DNER: variants seen among roughly 807,000 people sequenced by gnomAD.
DNER encodes the protein delta/notch like EGF repeat containing.
Under a neutral mutation model 78.2 loss-of-function variants are expected in DNER, and 33 were observed. That is an observed-to-expected ratio of 0.42 (90% CI 0.32 to 0.56). DNER has a LOEUF of 0.56. Ranked by LOEUF, DNER falls within the 20% of genes least tolerant of loss-of-function variation. The pLI is 0.11. For synonymous variants in DNER, 417 were observed against 384.8 expected, an observed-to-expected ratio of 1.08 and a Z score of -0.98; for missense variants, 918 against 975.3, an observed-to-expected ratio of 0.94 and a Z score of 0.78.
At chr2:229,635,694 T>C (rs1698519251) in intron 1 of DNER, among the ~76,000 whole-genome samples, 1 of 152,210 alleles carries the variant, frequency 6.6e-6, no homozygotes, top group African/African-American at 2.4e-5. Context: ...ATCATTTTAC[T>C]TCCTATTCAC....
In DNER at chr2:229,584,823, A is replaced by G. The variant is rs1040898374; in HGVS notation, c.847+1035T>C. Reference sequence around the variant, plus strand: ...ATGGCACATGCCTGTAGTCCCAGCTACTTGGGAGGCTGAGGCAGGGGAATT... The same window carrying G: ...ATGGCACATGCCTGTAGTCCCAGCTGCTTGGGAGGCTGAGGCAGGGGAATT... On this transcript the variant is annotated intron_variant, in intron 4 of 12. Transcript: ENST00000341772. Among the ~76,000 whole-genome samples the G allele has an allele frequency of 4.6e-5, 7 of 151,266 alleles. No individual in the cohort carries two copies. The South Asian group carries it at 8.4e-4, about 18-fold the overall frequency.
At chr2:229,413,321 CTTTTT>C (rs398061160) in intron 9 of DNER, among the ~76,000 whole-genome samples, 4 of 67,772 alleles carry the variant, frequency 5.9e-5, no homozygotes, top group Non-Finnish European at 1.1e-4. Context: ...TTTTCTTCTT[CTTTTT>C]TTTTTTTTTT....
intron 1 of DNER, among the ~76,000 whole-genome samples, chr2:229,628,073 C>T (rs1027148032): frequency 1.3e-5 from 2 of 152,160 alleles, no homozygotes; most frequent in Non-Finnish European, 2.9e-5. Context: ...GGAAGGCCCT[C>T]GCCTGGTCCA....
intron 6 of DNER, among the ~76,000 whole-genome samples, chr2:229,479,867 T>C (rs1695119144): frequency 6.6e-6 from 1 of 152,186 alleles, no homozygotes; most frequent in Non-Finnish European, 1.5e-5. Context: ...TAGAAAAGTA[T>C]AGTACATTTA....
intron 1 of DNER, among the ~76,000 whole-genome samples, chr2:229,632,587 C>T (rs959465100): frequency 6.6e-6 from 1 of 152,112 alleles, no homozygotes; most frequent in Admixed American, 6.5e-5. Flanking sequence ...GCTGGAGCAA[C>T]TCACCAAATA....
intron 1 of DNER, chr2:229,606,211 G>A (rs1209761777): frequency 2.0e-5 from 3 of 152,100 alleles, no homozygotes; most frequent in African/African-American, 7.2e-5. Context: ...TACAGTTCTG[G>A]GAATTGGGGT....
In DNER at chr2:229,591,615, G is replaced by T; in HGVS notation, c.550C>A (p.Gln184Lys). The change falls in exon 2 of 13, where the codon CAG (glutamine) becomes AAG (lysine). Residue 184 changes from glutamine to lysine, a missense_variant. By Grantham distance (53) the Gln-to-Lys change is moderately conservative (BLOSUM62 1). Coordinates refer to ENST00000341772, the MANE Select transcript of DNER (RefSeq NM_139072.4). This position sits in a 1 kb window ranked among gnomAD's most constrained non-coding sequence, Gnocchi z 4.6. The part of the protein sequence containing the change: ...TLPTWQPKTG[Q>K]KVVEMKWDQV... ...TCCCATTTCATTTCTACAACTTTCT[G>T]CCCTGTTTTCGGCTGCCAGGTAGGC... 1.2e-6 allele frequency: 2 copies of T among 1,614,032 alleles called. No individual in the cohort carries two copies. The highest frequency in any genetic ancestry group is 1.7e-6 in the Non-Finnish European group (2 of 1,180,000).
chr2:229,703,248 T>C (rs2154217714), intron 1 of DNER, among the ~76,000 whole-genome samples: 1 of 152,284 alleles, frequency 6.6e-6, no homozygotes, highest in Non-Finnish European at 1.5e-5. Context: ...CACACATGCT[T>C]GGTCAAATGA....
In DNER at chr2:229,397,974, T is replaced by C. The variant is rs181872129; in HGVS notation, c.1723+9258A>G. ...CTTACCCAAAAAACCTAGAAAGAAA[T>C]AACAAAAGCAAATTAAGCCCAAAGC... On this transcript the variant is annotated intron_variant, in intron 10 of 12. Coordinates refer to ENST00000341772, the MANE Select transcript of DNER (RefSeq NM_139072.4). Among the ~76,000 whole-genome samples, 44 of 150,560 alleles carry C rather than the reference T, an allele frequency of 2.9e-4. No homozygotes were observed. In the East Asian group the frequency reaches 6.7e-3, roughly 23 times the overall value.
intron 1 of DNER, among the ~76,000 whole-genome samples, chr2:229,641,079 G>A (rs1698613278): frequency 6.6e-6 from 1 of 152,144 alleles, no homozygotes; most frequent in Non-Finnish European, 1.5e-5. Flanking sequence ...TGAAGTTGAA[G>A]GACAGATGCA....
chr2:229,362,361 T>G (rs569370674), intron 12 of DNER, among the ~76,000 whole-genome samples: 3 of 152,246 alleles, frequency 2.0e-5, no homozygotes, highest in African/African-American at 7.2e-5. Context: ...CAAGCCTAGA[T>G]GCTGAACACT....
chr2:229,474,612 G>A (rs1694994002), intron 7 of DNER, among the ~76,000 whole-genome samples: 1 of 152,126 alleles, frequency 6.6e-6, no homozygotes, highest in African/African-American at 2.4e-5. Context: ...TCTGTGTTTA[G>A]ATGAGACCAG....
chr2:229,569,377 CAG>C (rs1037164956), intron 4 of DNER, among the ~76,000 whole-genome samples: 23 of 152,218 alleles, frequency 1.5e-4, no homozygotes, highest in Admixed American at 3.3e-4. Flanking sequence ...CAAAAGTTAA[CAG>C]GGCATGATGG....
At position 229,512,899 on chromosome 2, in the gene DNER, C is replaced by T. The variant is rs778185598; in HGVS notation, c.1031G>A (p.Gly344Asp). Reference sequence around the variant, plus strand: ...AGCATCGTATTCTTCACAGAAAGTACCCACGTACTGCTCCTCACAGGTACA... The same window carrying T: ...AGCATCGTATTCTTCACAGAAAGTATCCACGTACTGCTCCTCACAGGTACA... ...FSCTCEEQYV[G>D]TFCEEYDACQ... is the part of the protein sequence containing the mutation. The change falls in exon 6 of 13, where the codon GGT becomes GAT. Residue 344 changes from glycine to aspartate, a missense_variant. By Grantham distance (94) the Gly-to-Asp change is moderately conservative. Transcript: ENST00000341772. 3.1e-6 allele frequency: 5 copies of T among 1,614,080 alleles called. No homozygotes were observed. The South Asian group carries it at 4.4e-5, about 14-fold the overall frequency.
At chr2:229,419,310 A>G (rs903259890) in intron 8 of DNER, among the ~76,000 whole-genome samples, 1 of 152,200 alleles carries the variant, frequency 6.6e-6, no homozygotes, top group Admixed American at 6.5e-5. Context: ...GTTACTGCCA[A>G]TTTGCAGTGA....
chr2:229,569,427 C>G (rs1697175441), intron 4 of DNER, among the ~76,000 whole-genome samples: 1 of 152,116 alleles, frequency 6.6e-6, no homozygotes, highest in South Asian at 2.1e-4. Flanking sequence ...GAAGCTGAGG[C>G]AGGAGAATCA....
intron 5 of DNER, among the ~76,000 whole-genome samples, chr2:229,529,378 G>A (rs962368745): frequency 1.6e-4 from 24 of 152,154 alleles, no homozygotes; most frequent in Middle Eastern, 3.4e-3. Flanking sequence ...AGTGAACCAC[G>A]ACCCTTGCCA....
chr2:229,461,429 T>G (rs1166373290), intron 7 of DNER, among the ~76,000 whole-genome samples: 1 of 151,932 alleles, frequency 6.6e-6, no homozygotes, highest in African/African-American at 2.4e-5. Flanking sequence ...AAATTCCCCT[T>G]ATAGAATATG....
chr2:229,689,563 G>A (rs1699535244), intron 1 of DNER, among the ~76,000 whole-genome samples: 1 of 152,182 alleles, frequency 6.6e-6, no homozygotes, highest in Non-Finnish European at 1.5e-5. Flanking sequence ...TTGGATGAAA[G>A]GGAAATACCA....
Sources: gnomAD v4.1 joint callset for allele counts (sites outside exome capture counted in the v4.1 genomes callset) on GRCh38, gnomAD v4.1.1 for gene constraint, Gnocchi (gnomAD v3.1) non-coding constraint, MANE v1.5 for transcripts, NCBI Gene and HGNC (gene_info 2026-07-23, HGNC 2026-07-21) for gene names.